Variants in ZBTB20 observed in about 807,000 individuals in gnomAD.
ZBTB20 encodes zinc finger and BTB domain containing 20.
ZBTB20 carries 9 observed loss-of-function variants against 56.9 expected under a neutral mutation model. The observed-to-expected ratio is 0.16, with a 90% CI of 0.10 to 0.28. The LOEUF (loss-of-function observed/expected upper bound fraction) is 0.28, where lower values mean the gene tolerates loss of function less well. ZBTB20 is among the 10% of genes least tolerant of loss of function. ZBTB20 has a pLI of 1.00. For synonymous variants in ZBTB20, 417 were observed against 420.7 expected, an observed-to-expected ratio of 0.99 and a Z score of 0.11; for missense variants, 655 against 1,003.0, an observed-to-expected ratio of 0.65 and a Z score of 4.69.
chr3:114,754,667 T>G (rs2067862243), intron 5 of ZBTB20, among the ~76,000 whole-genome samples: 1 of 152,186 alleles, frequency 6.6e-6, no homozygotes, highest in South Asian at 2.1e-4. Flanking sequence ...ATTCATCTTT[T>G]TATCTCTAGT....
intron 2 of ZBTB20, among the ~76,000 whole-genome samples, chr3:114,998,649 G>A (rs1003056380): frequency 2.6e-5 from 4 of 151,684 alleles, no homozygotes; most frequent in African/African-American, 9.7e-5. Flanking sequence ...AAAAGAATAT[G>A]GTAGTTAACT....
chr3:114,678,235 AT>A (rs1397145390), intron 6 of ZBTB20, among the ~76,000 whole-genome samples: 9 of 152,214 alleles, frequency 5.9e-5, no homozygotes, highest in Non-Finnish European at 1.5e-5. Context: ...AACATATTCA[AT>A]TTAAAAAATA....
At chr3:114,767,001 A>C (rs187032068) in intron 5 of ZBTB20, among the ~76,000 whole-genome samples, 23 of 152,232 alleles carry the variant, frequency 1.5e-4, no homozygotes, top group Admixed American at 5.2e-4. Context: ...CAAGATGGTT[A>C]AAAATGTAAC....
intron 10 of ZBTB20, among the ~76,000 whole-genome samples, chr3:114,355,200 ACTGT>A (rs1418245966): frequency 6.6e-6 from 1 of 152,066 alleles, no homozygotes; most frequent in Non-Finnish European, 1.5e-5. Context: ...AAAAATCCAA[ACTGT>A]TTGACCAGAT....
intron 7 of ZBTB20, among the ~76,000 whole-genome samples, chr3:114,491,217 T>C (rs2042717400): frequency 6.6e-6 from 1 of 152,206 alleles, no homozygotes; most frequent in Non-Finnish European, 1.5e-5. Flanking sequence ...AACCCTATCC[T>C]AATTCAAACT....
chr3:114,367,884 A>G (rs2082587410), intron 10 of ZBTB20, among the ~76,000 whole-genome samples: 1 of 152,222 alleles, frequency 6.6e-6, no homozygotes, highest in African/African-American at 2.4e-5. Context: ...GAAGAAGGGC[A>G]CTGGCTTTTC....
intron 3 of ZBTB20, among the ~76,000 whole-genome samples, chr3:114,926,784 CTGTCACCCAGGCTT>C (rs2076173469): frequency 6.6e-6 from 1 of 152,180 alleles, no homozygotes; most frequent in Admixed American, 6.5e-5. Context: ...AACAATCAAT[CTGTCACCCAGGCTT>C]TGTCACCCAG....
In ZBTB20 at chr3:114,684,817, G is replaced by A. The variant is rs141889364; in HGVS notation, c.-295+8711C>T. ...TCCTCACAAATGGGGAGGTGGTAGG[G>A]TAGGTAGGTTATATGAACACACATG... On this transcript the variant is annotated intron_variant, in intron 6 of 11. Transcript: ENST00000675478. Among the ~76,000 whole-genome samples, 288 of 152,166 alleles carry A rather than the reference G, an allele frequency of 1.9e-3. 1 individual carries two copies. The highest frequency in any genetic ancestry group is 6.7e-3 in the African/African-American group (278 of 41,520).
chr3:114,848,418 TGA>T (rs1013614477), intron 4 of ZBTB20, among the ~76,000 whole-genome samples: 96 of 152,332 alleles, frequency 6.3e-4, no homozygotes, highest in Middle Eastern at 3.4e-3. Context: ...AGCCTGATTA[TGA>T]GAGCGTGTGA....
At chr3:114,482,881 C>T (rs1167518960) in intron 7 of ZBTB20, among the ~76,000 whole-genome samples, 1 of 152,104 alleles carries the variant, frequency 6.6e-6, no homozygotes, top group Non-Finnish European at 1.5e-5. Context: ...TCATTCTTTG[C>T]CTTATTCACT....
At chr3:114,391,948 G>T (rs1051546498) in intron 7 of ZBTB20, among the ~76,000 whole-genome samples, 1 of 152,160 alleles carries the variant, frequency 6.6e-6, no homozygotes, top group African/African-American at 2.4e-5. Context: ...GGAGGTTGGG[G>T]TGTGTAACCT....
chr3:114,459,294 T>C (rs2092210421), intron 7 of ZBTB20, among the ~76,000 whole-genome samples: 1 of 152,198 alleles, frequency 6.6e-6, no homozygotes, highest in African/African-American at 2.4e-5. Context: ...TTGGTGTTCA[T>C]AAGATAACCC....
At chr3:114,831,365 A>G (rs970873570) in intron 4 of ZBTB20, among the ~76,000 whole-genome samples, 3 of 151,866 alleles carry the variant, frequency 2.0e-5, no homozygotes, top group Admixed American at 2.0e-4. Context: ...CTTGGTGAAT[A>G]TATTTAAAGT....
intron 10 of ZBTB20, among the ~76,000 whole-genome samples, chr3:114,371,006 G>A (rs1479380574): frequency 6.6e-6 from 1 of 152,154 alleles, no homozygotes; most frequent in Non-Finnish European, 1.5e-5. Context: ...CACCAATAGT[G>A]TGAAATACTG....
intron 6 of ZBTB20, among the ~76,000 whole-genome samples, chr3:114,562,815 T>C (rs1238698853): frequency 6.6e-6 from 1 of 152,200 alleles, no homozygotes; most frequent in East Asian, 1.9e-4. Context: ...AAGGAACAGC[T>C]AGTTGGTAAG....
chr3:114,488,609 G>T (rs978005064), intron 7 of ZBTB20, among the ~76,000 whole-genome samples: 3 of 152,170 alleles, frequency 2.0e-5, no homozygotes, highest in Admixed American at 6.5e-5. Context: ...AGGATGCAGA[G>T]AAATGGGCAG....
intron 2 of ZBTB20, among the ~76,000 whole-genome samples, chr3:115,044,806 A>G (rs1267429078): frequency 2.0e-5 from 3 of 152,268 alleles, no homozygotes; most frequent in African/African-American, 7.2e-5. Flanking sequence ...AATGGGCAGA[A>G]TAACTACACT....
intron 7 of ZBTB20, chr3:114,453,458 C>A (rs1028610363): frequency 6.6e-6 from 1 of 152,122 alleles, no homozygotes; most frequent in African/African-American, 2.4e-5. Flanking sequence ...CTGATGTACC[C>A]CATTGGTATT....
chr3:114,686,727 T>C (rs775254839), intron 6 of ZBTB20, among the ~76,000 whole-genome samples: 2 of 152,188 alleles, frequency 1.3e-5, no homozygotes, highest in Non-Finnish European at 2.9e-5. Flanking sequence ...GACTTTCTCT[T>C]TATTCCCCCT....
Sources: allele counts gnomAD v4.1 joint callset (sites outside exome capture counted in the v4.1 genomes callset), GRCh38; gene constraint gnomAD v4.1.1; transcripts MANE v1.5; gene names NCBI Gene and HGNC (gene_info 2026-07-23, HGNC 2026-07-21).